Variants in FHAD1 observed in about 807,000 individuals in gnomAD.
FHAD1 encodes forkhead-associated domain-containing protein 1.
In FHAD1, 146 loss-of-function variants were observed where a neutral mutation model predicts 191.3. The observed-to-expected ratio is 0.76, with a 90% CI of 0.67 to 0.88. The LOEUF is 0.88. Ranked by LOEUF, FHAD1 falls within the 40% of genes least tolerant of loss-of-function variation. FHAD1 has a pLI of 0.00. For missense variants in FHAD1, 1,635 were observed against 1,785.8 expected (o/e 0.92, Z 1.52); for synonymous variants, 616 against 672.3 (o/e 0.92, Z 1.29).
At position 15,308,677 on chromosome 1, in the gene FHAD1, A is replaced by C. The variant is rs1447142454; in HGVS notation, c.980A>C (p.Glu327Ala). 1.2e-5 allele frequency: 18 copies of C among 1,551,648 alleles called. No homozygotes were observed. Among genetic ancestry groups the C allele is most frequent in the Non-Finnish European group, 4.4e-6 (5 of 1,147,016 alleles). ...LCQTLSERNSEITSLKNEGEN... is the reference protein window; with the variant it reads ...LCQTLSERNSAITSLKNEGEN... ...CAGACCCTGTCAGAGCGGAACTCAG[A>C]AATCACATCCCTGAAGAATGAGGGC... The change falls in exon 7 of 34, where the codon GAA becomes GCA. Residue 327 changes from glutamate to alanine, a missense_variant. Coordinates refer to ENST00000688493, the MANE Select transcript of FHAD1 (RefSeq NM_001391957.1).
intron 19 of FHAD1, among the ~76,000 whole-genome samples, chr1:15,352,121 A>G (rs554816967): frequency 1.3e-5 from 2 of 152,286 alleles, no homozygotes; most frequent in East Asian, 1.9e-4. Context: ...AATTCCCCCC[A>G]AAAAACTGTC....
chr1:15,293,520 C>G (rs515601), intron 4 of FHAD1, among the ~76,000 whole-genome samples: 5 of 151,904 alleles, frequency 3.3e-5, no homozygotes, highest in African/African-American at 7.3e-5. Flanking sequence ...GAGTCTGAGA[C>G]CAGCCTGACT....
intron 2 of FHAD1, among the ~76,000 whole-genome samples, chr1:15,261,926 GGTTCAA>G (rs1266801584): frequency 1.3e-5 from 2 of 152,080 alleles, no homozygotes; most frequent in Non-Finnish European, 2.9e-5. Flanking sequence ...CGAGCCCAGG[GGTTCAA>G]GGCTGTATTA....
chr1:15,378,003 A>G (rs527782131), intron 28 of FHAD1, among the ~76,000 whole-genome samples: 1 of 152,088 alleles, frequency 6.6e-6, no homozygotes, highest in Non-Finnish European at 1.5e-5. Flanking sequence ...TTTTACAGAT[A>G]AGAAATATGA....
intron 31 of FHAD1, among the ~76,000 whole-genome samples, chr1:15,385,010 C>T (rs189386632): frequency 6.6e-6 from 1 of 152,126 alleles, no homozygotes; most frequent in Admixed American, 6.5e-5. Context: ...CCAGGATGCA[C>T]CCCGCCTACT....
intron 3 of FHAD1, among the ~76,000 whole-genome samples, chr1:15,281,263 C>T (rs1660499666): frequency 6.6e-6 from 1 of 152,110 alleles, no homozygotes; most frequent in African/African-American, 2.4e-5. Context: ...CCTCCTTTCC[C>T]CCTTCTTTCT....
chr1:15,255,451 T>C (rs146643176), intron 2 of FHAD1, among the ~76,000 whole-genome samples: 37 of 152,352 alleles, frequency 2.4e-4, no homozygotes, highest in African/African-American at 8.7e-4. Context: ...TCCAGACTTT[T>C]TTTTTCTGTA....
chr1:15,264,562 G>GTA (rs1652617687), intron 2 of FHAD1, among the ~76,000 whole-genome samples: 1 of 147,734 alleles, frequency 6.8e-6, no homozygotes, highest in Non-Finnish European at 1.5e-5. Flanking sequence ...GTGTGTGTGT[G>GTA]TGTGTGTGTG....
chr1:15,279,469 C>A (rs919053098), intron 3 of FHAD1, among the ~76,000 whole-genome samples: 11 of 151,372 alleles, frequency 7.3e-5, no homozygotes, highest in Non-Finnish European at 1.3e-4. Flanking sequence ...TGGAGCCCCC[C>A]CTCCCTCTTT....
chr1:15,283,018 T>G (rs1172707527), intron 3 of FHAD1, among the ~76,000 whole-genome samples: 1 of 152,382 alleles, frequency 6.6e-6, no homozygotes, highest in African/African-American at 2.4e-5. Context: ...TCAGCAGGGC[T>G]ACCCCATGGG....
intron 25 of FHAD1, among the ~76,000 whole-genome samples, chr1:15,369,036 C>T (rs1306081019): frequency 6.6e-6 from 1 of 152,104 alleles, no homozygotes; most frequent in Non-Finnish European, 1.5e-5. Flanking sequence ...ATGAGACAAG[C>T]AGAGTACCTA....
At chr1:15,322,472 A>G (rs1024864519) in intron 10 of FHAD1, among the ~76,000 whole-genome samples, 3 of 152,234 alleles carry the variant, frequency 2.0e-5, no homozygotes, top group Admixed American at 6.5e-5. Context: ...CCAAAGGCAC[A>G]CAGTCAGTAA....
chr1:15,258,582 C>CT (rs779893446), intron 2 of FHAD1, among the ~76,000 whole-genome samples: 3,087 of 139,312 alleles, frequency 0.022, 129 homozygotes, highest in African/African-American at 0.07. Context: ...ATCTCTGTCT[C>CT]TCTTTTTTTT....
In FHAD1 at chr1:15,302,296, T is replaced by C. The variant is rs1202519571; in HGVS notation, c.915+855T>C. Among the ~76,000 whole-genome samples, 4 of 152,222 alleles carry C rather than the reference T, an allele frequency of 2.6e-5. No homozygotes were observed. In the East Asian group the frequency reaches 7.7e-4, roughly 29 times the overall value. On this transcript the variant is annotated intron_variant, in intron 6 of 33. Transcript: ENST00000688493. ...AAACACAGAGGCCTTTACCAAACCC[T>C]GAAGGCAGTTAGTTACTGGTTCACT...
chr1:15,350,556 G>A (rs945729249), intron 19 of FHAD1, among the ~76,000 whole-genome samples: 3 of 152,202 alleles, frequency 2.0e-5, no homozygotes, highest in African/African-American at 7.2e-5. Flanking sequence ...GGTGGGAGAG[G>A]TGGGGAAGGA....
intron 3 of FHAD1, among the ~76,000 whole-genome samples, chr1:15,287,568 G>A (rs1346170577): frequency 6.6e-6 from 1 of 152,166 alleles, no homozygotes; most frequent in African/African-American, 2.4e-5. Context: ...GCAGCATGGA[G>A]GTAACTGCCC....
At chr1:15,314,776 GGGGTATGGAT>G in intron 8 of FHAD1, among the ~76,000 whole-genome samples, 1 of 39,318 alleles carries the variant, frequency 2.5e-5, no homozygotes, top group Non-Finnish European at 7.7e-5. Flanking sequence ...TGGGTGTGTG[GGGGTATGGAT>G]GTGTGGTGTG....
intron 14 of FHAD1, among the ~76,000 whole-genome samples, chr1:15,333,824 C>CTTTTTTTTTTTTTTTTTTTTT (rs55698715): frequency 1.1e-4 from 7 of 64,812 alleles, no homozygotes; most frequent in Non-Finnish European, 1.7e-4. Context: ...TTTTATTTAT[C>CTTTTTTTTTTTTTTTTTTTTT]TTTTTTTTTT....
Position 15,278,265 on chromosome 1 carries a change from C to T in FHAD1, c.300+5736C>T, listed in dbSNP as rs528935001. 2.0e-5 allele frequency among the ~76,000 whole-genome samples: 3 copies of T among 152,238 alleles called. No homozygotes were observed. In the East Asian group the frequency reaches 5.8e-4, roughly 29 times the overall value. ...TCTGGCTCTCTTAGCAAAAGTTTAC[C>T]AACCTCCACTCATAACACTATGCTA... On this transcript the variant is annotated intron_variant, in intron 3 of 33. Coordinates refer to ENST00000688493, the MANE Select transcript of FHAD1 (RefSeq NM_001391957.1).
Sources: gnomAD v4.1 joint callset for allele counts (sites outside exome capture counted in the v4.1 genomes callset) on GRCh38, gnomAD v4.1.1 for gene constraint, MANE v1.5 for transcripts, NCBI Gene and HGNC (gene_info 2026-07-23, HGNC 2026-07-21) for gene names.